Variants in RBM47 observed in about 807,000 individuals in gnomAD.
RBM47 encodes the protein RNA binding motif protein 47.
RBM47 carries 21 observed loss-of-function variants against 47.1 expected under a neutral mutation model. The observed-to-expected ratio is 0.45, with a 90% CI of 0.32 to 0.64. The LOEUF is 0.64. Among genes scored for constraint, RBM47 ranks in the 30% least tolerant of loss-of-function variants. RBM47 has a pLI of 0.05. For synonymous variants in RBM47, 375 were observed against 361.7 expected (o/e 1.04, Z -0.42); for missense variants, 708 against 870.9 (o/e 0.81, Z 2.35).
intron 3 of RBM47, among the ~76,000 whole-genome samples, chr4:40,459,676 G>A (rs976601030): frequency 2.0e-5 from 3 of 152,238 alleles, no homozygotes; most frequent in African/African-American, 7.2e-5. Flanking sequence ...ATTTCTGCAT[G>A]GCCGAAAGGA....
At chr4:40,544,997 G>T (rs1728880402) in intron 1 of RBM47, among the ~76,000 whole-genome samples, 1 of 151,606 alleles carries the variant, frequency 6.6e-6, no homozygotes, top group African/African-American at 2.4e-5. Flanking sequence ...GAGTTCTGAG[G>T]CTGCAGTGAG....
At chr4:40,485,314 A>G (rs1260255875) in intron 2 of RBM47, among the ~76,000 whole-genome samples, 1 of 152,258 alleles carries the variant, frequency 6.6e-6, no homozygotes, top group African/African-American at 2.4e-5. Context: ...TTAAAGCTCA[A>G]TCTTGTTACC....
chr4:40,454,011 G>A (rs1366635244), intron 3 of RBM47, among the ~76,000 whole-genome samples: 1 of 152,094 alleles, frequency 6.6e-6, no homozygotes, highest in Non-Finnish European at 1.5e-5. Context: ...CTAGAGTACG[G>A]GGTAGACGCC....
chr4:40,505,764 G>A (rs1387575765), intron 2 of RBM47, among the ~76,000 whole-genome samples: 5 of 151,368 alleles, frequency 3.3e-5, no homozygotes, highest in South Asian at 2.1e-4. Flanking sequence ...GGTGGTGTGC[G>A]CCTGTAGTCC....
chr4:40,617,673 T>C (rs1736876279), intron 1 of RBM47, among the ~76,000 whole-genome samples: 1 of 151,004 alleles, frequency 6.6e-6, no homozygotes, highest in Admixed American at 6.6e-5. Context: ...ATATTTATAC[T>C]AATGTGATTG....
At chr4:40,578,955 T>C (rs1732598291) in intron 1 of RBM47, among the ~76,000 whole-genome samples, 1 of 151,382 alleles carries the variant, frequency 6.6e-6, no homozygotes, top group Admixed American at 6.6e-5. Flanking sequence ...CCATCTCCAC[T>C]AAAATAACAA....
At chr4:40,534,884 G>A (rs9999707) in intron 2 of RBM47, among the ~76,000 whole-genome samples, 1 of 149,998 alleles carries the variant, frequency 6.7e-6, no homozygotes, top group African/African-American at 2.5e-5. Context: ...GCAGTGAGCC[G>A]AGATCGTGCC....
intron 2 of RBM47, 22 bp from the exon 3 acceptor site, chr4:40,466,721 G>C (rs1202126541): frequency 1.6e-5 from 2 of 128,736 alleles, no homozygotes; most frequent in South Asian, 2.5e-4. Context: ...AAAAGAAATG[G>C]TTAGAAATAT....
chr4:40,446,116 C>G (rs551291871), intron 3 of RBM47, among the ~76,000 whole-genome samples: 1 of 152,340 alleles, frequency 6.6e-6, no homozygotes, highest in African/African-American at 2.4e-5. Context: ...AATCTATATT[C>G]TCATCTCTAA....
At chr4:40,428,154 CT>C (rs1465211601) in intron 6 of RBM47, among the ~76,000 whole-genome samples, 1 of 152,162 alleles carries the variant, frequency 6.6e-6, no homozygotes, top group Non-Finnish European at 1.5e-5. Flanking sequence ...GATCATACCA[CT>C]GCACTCCAGC....
At chr4:40,434,805 T>C (rs953814015) in intron 5 of RBM47, among the ~76,000 whole-genome samples, 1 of 151,826 alleles carries the variant, frequency 6.6e-6, no homozygotes, top group Non-Finnish European at 1.5e-5. Flanking sequence ...TGTACCTATG[T>C]CCCAAATGCA....
intron 2 of RBM47, among the ~76,000 whole-genome samples, chr4:40,510,059 T>C (rs1013332145): frequency 3.3e-5 from 5 of 151,114 alleles, no homozygotes; most frequent in African/African-American, 4.9e-5. Flanking sequence ...TGATGGCACA[T>C]GCCTGTAATC....
rs57799277 is a variant in RBM47, at chr4:40,604,714, T to TTTGTTGTTGTTGTTGTTG, written c.-240+24664_-240+24681dup. 1.8e-3 allele frequency among the ~76,000 whole-genome samples: 270 copies of TTTGTTGTTGTTGTTGTTG among 151,752 alleles called. 1 individual carries two copies. The highest frequency in any genetic ancestry group is 0.011 in the East Asian group (57 of 5,168). ...ACATTTCACGATTGCCACATGGCTC[T>TTTGTTGTTGTTGTTGTTG]TTGTTGTTGTTGTTGTTGTTGAGAC... On this transcript the variant is annotated intron_variant, in intron 1 of 6. Transcript: ENST00000295971.
chr4:40,612,216 G>A (rs980093691), intron 1 of RBM47, among the ~76,000 whole-genome samples: 17 of 152,264 alleles, frequency 1.1e-4, no homozygotes, highest in African/African-American at 3.6e-4. Context: ...TCTAGGGTCC[G>A]TATCTAACTG....
rs75156839 is a variant in RBM47, at chr4:40,582,629, C to T, written c.-239-38123G>A. On this transcript the variant is annotated intron_variant, in intron 1 of 6. Coordinates refer to ENST00000295971, the MANE Select transcript of RBM47 (RefSeq NM_001098634.2). ...AAGCATTCCAGGATCTGTTCCCTGC[C>T]TCACTCCAACTCCATCCTTCCGTAC... Among the ~76,000 whole-genome samples, 47 of 152,294 alleles carry T rather than the reference C, an allele frequency of 3.1e-4. 1 individual carries two copies. In the East Asian group the frequency reaches 7.3e-3, roughly 24 times the overall value.
chr4:40,538,750 C>T (rs922185270), intron 2 of RBM47, among the ~76,000 whole-genome samples: 7 of 152,086 alleles, frequency 4.6e-5, no homozygotes, highest in Non-Finnish European at 7.4e-5. Flanking sequence ...GATTCTCCTG[C>T]CTCAGCCCAA....
chr4:40,436,926 C>A (rs1712532971), intron 4 of RBM47: 2 of 512,690 alleles, frequency 3.9e-6, no homozygotes. Context: ...GACTACCCAC[C>A]ACCCCCTCCC....
At chr4:40,547,595 C>T (rs973648545) in intron 1 of RBM47, among the ~76,000 whole-genome samples, 8 of 152,164 alleles carry the variant, frequency 5.3e-5, no homozygotes, top group Non-Finnish European at 1.5e-5. Flanking sequence ...ATACACTGCC[C>T]CTCCCCACAT....
In RBM47 at chr4:40,525,729, T is replaced by G. The variant is rs543253165; in HGVS notation, c.-155+18693A>C. Among the ~76,000 whole-genome samples, 65 of 152,300 alleles carry G rather than the reference T, an allele frequency of 4.3e-4. 1 individual carries two copies. Among genetic ancestry groups the G allele is most frequent in the African/African-American group, 1.3e-3 (56 of 41,566 alleles). On this transcript the variant is annotated intron_variant, in intron 2 of 6. Coordinates refer to ENST00000295971, the MANE Select transcript of RBM47 (RefSeq NM_001098634.2). ...GAGGGGCATTTTAAAAGCCAAGGCT[T>G]GGTAAAAACCTAGGGAATAGGCTTA... is the stretch of plus-strand genomic sequence containing the variant.
Sources: gnomAD v4.1 joint callset for allele counts (sites outside exome capture counted in the v4.1 genomes callset) on GRCh38, gnomAD v4.1.1 for gene constraint, MANE v1.5 for transcripts, NCBI Gene and HGNC (gene_info 2026-07-23, HGNC 2026-07-21) for gene names.